CDK14: variants seen among roughly 807,000 people sequenced by gnomAD.
CDK14 encodes cyclin dependent kinase 14.
A neutral mutation model predicts 60.7 loss-of-function variants in CDK14; 34 were observed. The observed-to-expected ratio is 0.56, with a 90% CI of 0.43 to 0.75. The LOEUF is 0.75. Ranked by LOEUF, CDK14 falls within the 30% of genes least tolerant of loss-of-function variation. The probability of loss-of-function intolerance (pLI) is 0.00; values close to 1 mark genes in which losing one functional copy is unlikely to be tolerated. For synonymous variants in CDK14, 197 were observed against 203.7 expected (o/e 0.97, Z 0.28); for missense variants, 482 against 564.1 (o/e 0.85, Z 1.47).
At chr7:90,630,179 A>G (rs1240897338) in intron 2 of CDK14, among the ~76,000 whole-genome samples, 3 of 152,234 alleles carry the variant, frequency 2.0e-5, no homozygotes, top group Non-Finnish European at 2.9e-5. Context: ...GTTTTAATAC[A>G]CATACAGTCA....
At chr7:90,634,783 C>T (rs1584756260) in intron 2 of CDK14, among the ~76,000 whole-genome samples, 2 of 151,946 alleles carry the variant, frequency 1.3e-5, no homozygotes, top group South Asian at 4.1e-4. Context: ...TCCACATCCT[C>T]TCCAGCACCT....
chr7:90,769,255 T>C (rs1804688983), intron 4 of CDK14, among the ~76,000 whole-genome samples: 1 of 152,184 alleles, frequency 6.6e-6, no homozygotes, highest in South Asian at 2.1e-4. Context: ...ATGCCAATTG[T>C]ATTCATTGCT....
rs556813821 is a variant in CDK14, at chr7:90,735,690, G to A, written c.369+8878G>A. Among the ~76,000 whole-genome samples the A allele has an allele frequency of 5.5e-4, 84 of 152,266 alleles. No individual in the cohort carries two copies. In the East Asian group the frequency reaches 9.3e-3, roughly 17 times the overall value. On this transcript the variant is annotated intron_variant, in intron 3 of 14. Transcript: ENST00000380050. Reference sequence around the variant, plus strand: ...TCTCCCACCCCCACCTAGCTTAAGCGTCCCAGGTCGACTTCACACTGCTAC... The same window carrying A: ...TCTCCCACCCCCACCTAGCTTAAGCATCCCAGGTCGACTTCACACTGCTAC...
At chr7:91,007,780 AGGAG>A (rs1796021527) in intron 10 of CDK14, among the ~76,000 whole-genome samples, 1 of 147,546 alleles carries the variant, frequency 6.8e-6, no homozygotes, top group Admixed American at 6.7e-5. Context: ...TTGTGAAAAC[AGGAG>A]GGAGGAAAAA....
chr7:90,757,115 G>C (rs1804094461), intron 4 of CDK14, among the ~76,000 whole-genome samples: 2 of 152,184 alleles, frequency 1.3e-5, no homozygotes, highest in Non-Finnish European at 1.5e-5. Flanking sequence ...CCATGCCTCT[G>C]TCCTAGCTTC....
intron 5 of CDK14, among the ~76,000 whole-genome samples, chr7:90,826,650 A>C (rs550511748): frequency 6.6e-6 from 1 of 152,132 alleles, no homozygotes; most frequent in Non-Finnish European, 1.5e-5. Context: ...TAATTAAAAA[A>C]TTTTTTAAAT....
intron 6 of CDK14, among the ~76,000 whole-genome samples, chr7:90,891,756 C>T (rs934043060): frequency 2.0e-5 from 3 of 152,184 alleles, no homozygotes; most frequent in African/African-American, 7.2e-5. Flanking sequence ...TCCTGAAGAA[C>T]ATCGAAATTA....
At chr7:91,096,186 G>T (rs1439254727) in intron 12 of CDK14, among the ~76,000 whole-genome samples, 1 of 151,586 alleles carries the variant, frequency 6.6e-6, no homozygotes, top group Non-Finnish European at 1.5e-5. Context: ...CTTCATCCCA[G>T]GATTGGTCTT....
chr7:91,124,367 A>G (rs939451171), intron 14 of CDK14, among the ~76,000 whole-genome samples: 1 of 152,226 alleles, frequency 6.6e-6, no homozygotes, highest in Non-Finnish European at 1.5e-5. Context: ...TTGTGCACAC[A>G]TACATTGTTT....
At chr7:91,086,681 G>T (rs10258564) in intron 12 of CDK14, among the ~76,000 whole-genome samples, 1 of 151,682 alleles carries the variant, frequency 6.6e-6, no homozygotes, top group Non-Finnish European at 1.5e-5. Context: ...GTGTGTGTGT[G>T]TGTATATATC....
chr7:90,945,294 A>G (rs1003338914), intron 8 of CDK14, among the ~76,000 whole-genome samples: 2 of 152,228 alleles, frequency 1.3e-5, no homozygotes, highest in Admixed American at 6.5e-5. Context: ...GCATTATCTC[A>G]TCTAATTCGC....
intron 14 of CDK14, among the ~76,000 whole-genome samples, chr7:91,169,266 TC>T (rs1460834112): frequency 6.6e-6 from 1 of 152,102 alleles, no homozygotes; most frequent in Non-Finnish European, 1.5e-5. Flanking sequence ...GTCTCCCAGC[TC>T]CCACTCGGCA....
intron 6 of CDK14, among the ~76,000 whole-genome samples, chr7:90,871,021 T>C (rs1791355549): frequency 6.6e-6 from 1 of 152,180 alleles, no homozygotes; most frequent in Non-Finnish European, 1.5e-5. Context: ...GTCCAAAGCA[T>C]GTTGATCAAT....
At chr7:90,914,342 C>G (rs1337730170) in intron 7 of CDK14, among the ~76,000 whole-genome samples, 1 of 152,160 alleles carries the variant, frequency 6.6e-6, no homozygotes, top group Admixed American at 6.5e-5. Context: ...CTTTTCTGTG[C>G]TTTCAGTATG....
intron 10 of CDK14, among the ~76,000 whole-genome samples, chr7:91,020,863 G>C (rs1796415101): frequency 6.6e-6 from 1 of 152,174 alleles, no homozygotes; most frequent in Admixed American, 6.5e-5. Context: ...GTGGGTGTTG[G>C]CTGGACTGCT....
chr7:90,637,101 AT>A (rs1201761092), intron 2 of CDK14, among the ~76,000 whole-genome samples: 2 of 152,050 alleles, frequency 1.3e-5, no homozygotes, highest in South Asian at 2.1e-4. Context: ...GGATTCATTA[AT>A]TTTTTAAAGG....
intron 8 of CDK14, among the ~76,000 whole-genome samples, chr7:90,945,903 TACTACATCAA>T (rs1419118754): frequency 4.6e-5 from 7 of 152,210 alleles, no homozygotes; most frequent in Admixed American, 2.6e-4. Context: ...AGCTCTTACA[TACTACATCAA>T]ACTGTCTCTT....
intron 11 of CDK14, among the ~76,000 whole-genome samples, chr7:91,065,719 T>C (rs540190487): frequency 6.6e-6 from 1 of 152,234 alleles, no homozygotes; most frequent in South Asian, 2.1e-4. Context: ...TTGGTTCGCA[T>C]GATTTGTTGG....
rs112230613 is a variant in CDK14, at chr7:91,209,137, G to C, written c.*2001G>C. 6.6e-6 allele frequency: 1 copy of C among 152,552 alleles called. No individual in the cohort carries two copies. Among genetic ancestry groups the C allele is most frequent in the African/African-American group, 2.4e-5 (1 of 41,578 alleles). The allele number at this position is 152,552 out of a possible 1,614,324, so 9.4% of individuals were successfully genotyped here. ...TTGTATTTCACTAAGTTTAAAGCAA[G>C]AGCAACTGATGATTAAATGTTGCTT... is the stretch of plus-strand genomic sequence containing the variant. On this transcript the variant is annotated 3_prime_UTR_variant, in exon 15 of 15. Coordinates refer to ENST00000380050, the MANE Select transcript of CDK14 (RefSeq NM_001287135.2).
Sources: gnomAD v4.1 joint callset for allele counts (sites outside exome capture counted in the v4.1 genomes callset) on GRCh38, gnomAD v4.1.1 for gene constraint, MANE v1.5 for transcripts, NCBI Gene and HGNC (gene_info 2026-07-23, HGNC 2026-07-21) for gene names.